The following IWS1 variants were observed in gnomAD, a reference collection of about 807,000 sequenced individuals.
IWS1 encodes protein IWS1 homolog.
Under a neutral mutation model 86.7 loss-of-function variants are expected in IWS1, and 27 were observed. The observed-to-expected ratio is 0.31, with a 90% CI of 0.23 to 0.43. The LOEUF (loss-of-function observed/expected upper bound fraction) is 0.43. Ranked by LOEUF, IWS1 falls within the 20% of genes least tolerant of loss-of-function variation. The pLI, the probability that IWS1 is intolerant of heterozygous loss-of-function variation, is 1.00. For synonymous variants in IWS1, 313 were observed against 335.1 expected (o/e 0.93, Z 0.72); for missense variants, 827 against 1,000.8 (o/e 0.83, Z 2.34).
Position 127,505,497 on chromosome 2 carries a change from C to G in IWS1, c.406G>C (p.Glu136Gln). The G allele has an allele frequency of 6.2e-7, 1 of 1,614,162 alleles. No homozygotes were observed. The highest frequency in any genetic ancestry group is 8.5e-7 in the Non-Finnish European group (1 of 1,180,028). ...CTTGCATGCCCATTAAGAAGTTCCT[C>G]ATTTTCAGAGTCACTACCAGGTAAT... Reference protein sequence around the residue: ...RKLPGSDSENEELLNGHASDS... With the variant: ...RKLPGSDSENQELLNGHASDS... The change falls in exon 3 of 14, where the codon GAG becomes CAG. Residue 136 changes from glutamate (E) to glutamine (Q), a missense_variant. Around this residue, in one of 2 missense-constraint regions of IWS1, gnomAD observed 548 missense variants for 560.2 expected, o/e 0.98. Transcript: ENST00000295321. The surrounding 1 kb of genome is among the most constrained non-coding windows in gnomAD (Gnocchi z 5.0).
At chr2:127,490,663 C>T (rs1004446868) in intron 10 of IWS1, among the ~76,000 whole-genome samples, 1 of 152,160 alleles carries the variant, frequency 6.6e-6, no homozygotes, top group African/African-American at 2.4e-5. Context: ...TTAAAACCAC[C>T]CCATTGACCC....
At chr2:127,516,406 A>G (rs1473804640) in intron 2 of IWS1, among the ~76,000 whole-genome samples, 1 of 152,208 alleles carries the variant, frequency 6.6e-6, no homozygotes, top group African/African-American at 2.4e-5. Flanking sequence ...ATTACTAGAC[A>G]TAAGCTCAAT....
intron 13 of IWS1, among the ~76,000 whole-genome samples, chr2:127,485,637 A>G (rs902212994): frequency 5.9e-5 from 9 of 152,232 alleles, no homozygotes; most frequent in Non-Finnish European, 1.2e-4. Context: ...ACCCAAATGC[A>G]TATTAGGGAA....
chr2:127,500,489 T>C (rs1326072941), intron 5 of IWS1, among the ~76,000 whole-genome samples: 1 of 151,816 alleles, frequency 6.6e-6, no homozygotes, highest in Admixed American at 6.6e-5. Context: ...TCTTAAGTAC[T>C]TTTTTTTGCC....
Position 127,522,683 on chromosome 2 carries a change from T to C in IWS1, c.150+993A>G, listed in dbSNP as rs578117061. 8.5e-5 allele frequency among the ~76,000 whole-genome samples: 13 copies of C among 152,342 alleles called. No individual in the cohort carries two copies. In the East Asian group the frequency reaches 2.5e-3, roughly 29 times the overall value. On this transcript the variant is annotated intron_variant, in intron 2 of 13. Coordinates refer to ENST00000295321, the MANE Select transcript of IWS1 (RefSeq NM_017969.3). ...GTGTAATCAAGAAAAATATAAGGCA[T>C]AGAAAGTTCTTAAATCTTTGCATCT... is the stretch of plus-strand genomic sequence containing the variant.
chr2:127,519,359 G>GTT (rs11336494), intron 2 of IWS1, among the ~76,000 whole-genome samples: 2 of 151,576 alleles, frequency 1.3e-5, no homozygotes, highest in Non-Finnish European at 2.9e-5. Flanking sequence ...GAAAAAATAA[G>GTT]TTTTTTTTTT....
intron 1 of IWS1, among the ~76,000 whole-genome samples, chr2:127,524,891 GTTTTTGTTTT>G (rs1413224138): frequency 0.023 from 2,931 of 129,406 alleles, 100 homozygotes; most frequent in African/African-American, 0.1. Context: ...TTTTGTTTTT[GTTTTTGTTTT>G]TTTTGAGACA....
intron 6 of IWS1, among the ~76,000 whole-genome samples, chr2:127,496,895 C>T (rs2566566): frequency 0.19 from 29,480 of 151,990 alleles, 5,885 homozygotes; most frequent in African/African-American, 0.51. Context: ...ATTTTAACTG[C>T]AACTTTTCTA....
At chr2:127,509,366 A>G (rs1457254507) in intron 2 of IWS1, among the ~76,000 whole-genome samples, 2 of 152,186 alleles carry the variant, frequency 1.3e-5, no homozygotes, top group Non-Finnish European at 2.9e-5. Flanking sequence ...TCCTAGTTGT[A>G]ATGGTAAAAG....
chr2:127,496,777 T>C (rs903477528), intron 6 of IWS1, among the ~76,000 whole-genome samples: 1 of 152,102 alleles, frequency 6.6e-6, no homozygotes, highest in Non-Finnish European at 1.5e-5. Context: ...GGCCTCACTA[T>C]ATGTCACCCA....
In IWS1 at chr2:127,505,414, C is replaced by T; in HGVS notation, c.489G>A (p.Glu163=). 1 of 1,614,132 alleles carries T rather than the reference C, an allele frequency of 6.2e-7. No individual in the cohort carries two copies. Among genetic ancestry groups the T allele is most frequent in the Non-Finnish European group, 8.5e-7 (1 of 1,180,022 alleles). ...AGTCACTAGCAGGACTCTTCTGGAGCTCCTCAATCTCAGAATCACTGGCGG... is the reference window on the plus strand; with the variant it reads ...AGTCACTAGCAGGACTCTTCTGGAGTTCCTCAATCTCAGAATCACTGGCGG... The part of the protein sequence containing the change: ...KHPASDSEIE[E]LQKSPASDSE... The change falls in exon 3 of 14, where the codon GAG becomes GAA. Residue 163 remains glutamate (E), a synonymous_variant. Coordinates refer to ENST00000295321, the MANE Select transcript of IWS1 (RefSeq NM_017969.3). This position sits in a 1 kb window ranked among gnomAD's most constrained non-coding sequence, Gnocchi z 5.0.
At chr2:127,488,786 C>T (rs7597727) in intron 12 of IWS1, among the ~76,000 whole-genome samples, 4,521 of 152,258 alleles carry the variant, frequency 0.03, 241 homozygotes, top group African/African-American at 0.1. Context: ...ATACTACTGT[C>T]CAACCCCTTC....
chr2:127,515,691 C>T (rs550252003), intron 2 of IWS1, among the ~76,000 whole-genome samples: 1 of 152,264 alleles, frequency 6.6e-6, no homozygotes, highest in Non-Finnish European at 1.5e-5. Flanking sequence ...ATGGTCCTAA[C>T]GGCAAAGGGC....
rs1402725061 is a variant in IWS1, at chr2:127,502,881, T to C, written c.1410-9A>G. 21 of 1,477,334 alleles carry C rather than the reference T, an allele frequency of 1.4e-5. No individual in the cohort carries two copies. The African/African-American group carries it at 1.5e-4, about 11-fold the overall frequency. 91.5% of individuals were successfully genotyped at this position (1,477,334 alleles called of 1,614,324 possible). ...TGTCTGCAATAAGATTTCTAGAAAG[T>C]AGACAAATGTAAAAACATTCATTTG... On this transcript the variant is annotated splice_polypyrimidine_tract_variant and intron_variant, in intron 4 of 13. Transcript: ENST00000295321.
At chr2:127,494,650 T>C (rs910983028) in intron 8 of IWS1, 9 of 348,868 alleles carry the variant, frequency 2.6e-5, no homozygotes, top group Non-Finnish European at 5.1e-6. Context: ...TTTCCAAGTT[T>C]TTCTTTCGTT....
intron 10 of IWS1, among the ~76,000 whole-genome samples, chr2:127,490,654 TA>T (rs1558742951): frequency 1.3e-5 from 2 of 152,216 alleles, no homozygotes; most frequent in African/African-American, 4.8e-5. Flanking sequence ...ACGTATCTTT[TA>T]AAACCACCCC....
chr2:127,497,204 A>G (rs1392084833), intron 6 of IWS1, among the ~76,000 whole-genome samples: 2 of 152,224 alleles, frequency 1.3e-5, no homozygotes, highest in African/African-American at 2.4e-5. Context: ...ACCCTGTTAT[A>G]TATACACATA....
chr2:127,494,177 C>T (rs538154370), intron 8 of IWS1, among the ~76,000 whole-genome samples: 11 of 144,304 alleles, frequency 7.6e-5, no homozygotes, highest in Non-Finnish European at 1.3e-4. Context: ...GGTGTTGAGA[C>T]GGGAAGATCG....
chr2:127,494,029 C>T (rs1202391996), intron 8 of IWS1, among the ~76,000 whole-genome samples: 1 of 151,920 alleles, frequency 6.6e-6, no homozygotes, highest in African/African-American at 2.4e-5. Flanking sequence ...CACTGATGCA[C>T]CAATACATTT....
Sources: gnomAD v4.1 joint callset for allele counts (sites outside exome capture counted in the v4.1 genomes callset) on GRCh38, gnomAD v4.1.1 for gene constraint, gnomAD v4.1.1 regional missense constraint, Gnocchi (gnomAD v3.1) non-coding constraint, MANE v1.5 for transcripts, NCBI Gene and HGNC (gene_info 2026-07-23, HGNC 2026-07-21) for gene names.